BLNK: variants seen among roughly 807,000 people sequenced by gnomAD.
BLNK encodes B cell linker, also known as B-cell linker protein.
Under a neutral mutation model 73.5 loss-of-function variants are expected in BLNK, and 29 were observed. The ratio of observed to expected loss-of-function variants is 0.39; its 90% CI spans 0.29 to 0.54. The LOEUF is 0.54. Among genes scored for constraint, BLNK ranks in the 20% least tolerant of loss-of-function variants. The probability of loss-of-function intolerance (pLI) is 0.61; values close to 1 mark genes in which losing one functional copy is unlikely to be tolerated. For missense variants in BLNK, 460 were observed against 562.8 expected (o/e 0.82, Z 1.85); for synonymous variants, 176 against 200.8 (o/e 0.88, Z 1.04).
chr10:96,195,020 C>T (rs1456622236), intron 16 of BLNK, among the ~76,000 whole-genome samples: 1 of 151,878 alleles, frequency 6.6e-6, no homozygotes. Flanking sequence ...CCGCCCGTCT[C>T]GGCCTCCCAA....
intron 16 of BLNK, among the ~76,000 whole-genome samples, chr10:96,194,768 A>ATTTTTTTTTTTTTTTTTTT (rs71034364): frequency 5.4e-5 from 6 of 110,280 alleles, no homozygotes; most frequent in South Asian, 3.2e-4. Context: ...AGAAATGCAA[A>ATTTTTTTTTTTTTTTTTTT]TTTTTTTTTT....
chr10:96,210,689 A>G (rs2083925281), intron 8 of BLNK, among the ~76,000 whole-genome samples: 1 of 152,140 alleles, frequency 6.6e-6, no homozygotes, highest in African/African-American at 2.4e-5. Context: ...GGGAGAGGCC[A>G]GAGCTGAGCC....
At chr10:96,233,462 G>A (rs587737594) in intron 3 of BLNK, among the ~76,000 whole-genome samples, 1 of 152,276 alleles carries the variant, frequency 6.6e-6, no homozygotes, top group African/African-American at 2.4e-5. Context: ...TCAAGTAGAG[G>A]TTCTGTGGCA....
intron 1 of BLNK, among the ~76,000 whole-genome samples, chr10:96,269,447 T>C (rs1844172346): frequency 6.6e-6 from 1 of 151,644 alleles, no homozygotes; most frequent in African/African-American, 2.4e-5. Flanking sequence ...TTTGGAATCC[T>C]CCTGTTCATT....
At chr10:96,248,744 G>A (rs1458362277) in intron 1 of BLNK, among the ~76,000 whole-genome samples, 1 of 152,050 alleles carries the variant, frequency 6.6e-6, no homozygotes, top group African/African-American at 2.4e-5. Flanking sequence ...ATCATTAAAA[G>A]GGAACTAGTT....
At chr10:96,226,999 G>A (rs1002647087) in intron 5 of BLNK, among the ~76,000 whole-genome samples, 12 of 152,270 alleles carry the variant, frequency 7.9e-5, no homozygotes, top group Non-Finnish European at 1.0e-4. Flanking sequence ...TGGGATCCTC[G>A]AAGGTCATTG....
intron 13 of BLNK, 80 bp from the exon 14 acceptor site, chr10:96,201,138 T>A: frequency 7.8e-7 from 1 of 1,282,876 alleles, no homozygotes; most frequent in Non-Finnish European, 1.1e-6. Flanking sequence ...AACACTGTAC[T>A]AGGTGCTGCC....
At chr10:96,225,685 C>A (rs1361930526) in intron 5 of BLNK, among the ~76,000 whole-genome samples, 1 of 151,552 alleles carries the variant, frequency 6.6e-6, no homozygotes, top group Non-Finnish European at 1.5e-5. Flanking sequence ...TCTTGTTGCC[C>A]AGGCTGGAGT....
intron 1 of BLNK, among the ~76,000 whole-genome samples, chr10:96,247,409 T>C: frequency 6.6e-6 from 1 of 152,192 alleles, no homozygotes; most frequent in East Asian, 1.9e-4. Context: ...AGGCCCAAGG[T>C]TCTTTTTTAT....
rs927142756 is a variant in BLNK at position 96,204,537 on chromosome 10, G to C, written c.897C>G (p.Ala299=). 1 of 1,613,774 alleles carries C rather than the reference G, an allele frequency of 6.2e-7. No homozygotes were observed. Among genetic ancestry groups the C allele is most frequent in the Non-Finnish European group, 8.5e-7 (1 of 1,179,852 alleles). ...EAVQSPVFPP[A]QKQIHQKPIP... is the part of the protein sequence containing the mutation. ...TTAAAGGAAAGGATTCTTACTTCTG[G>C]GCAGGAGGAAACACTGGTGACTGCA... Residue 299 remains alanine, a synonymous_variant, in exon 12 of 17, where the codon GCC becomes GCG. Coordinates refer to ENST00000224337, the MANE Select transcript of BLNK (RefSeq NM_013314.4).
chr10:96,254,696 A>T (rs1554910528), intron 1 of BLNK, among the ~76,000 whole-genome samples: 2 of 152,078 alleles, frequency 1.3e-5, no homozygotes, highest in African/African-American at 4.8e-5. Context: ...TTTTTAGTAG[A>T]GACGGGGTTT....
chr10:96,238,332 CTT>C (rs1356536346), intron 3 of BLNK, among the ~76,000 whole-genome samples: 11 of 152,188 alleles, frequency 7.2e-5, no homozygotes, highest in African/African-American at 2.7e-4. Context: ...TCAACACACT[CTT>C]GGCTTAGAGG....
chr10:96,265,990 A>G (rs535047757), intron 1 of BLNK, among the ~76,000 whole-genome samples: 3 of 152,326 alleles, frequency 2.0e-5, no homozygotes, highest in African/African-American at 7.2e-5. Context: ...TGATCCAGCT[A>G]TGTCTTGCGG....
At chr10:96,256,880 C>CAAAAA (rs1295010912) in intron 1 of BLNK, among the ~76,000 whole-genome samples, 4 of 103,448 alleles carry the variant, frequency 3.9e-5, no homozygotes, top group South Asian at 3.7e-4. Context: ...GACTCCATCT[C>CAAAAA]AAAAAAAAAA....
chr10:96,267,038 T>A (rs1224559639), intron 1 of BLNK, among the ~76,000 whole-genome samples: 1 of 152,208 alleles, frequency 6.6e-6, no homozygotes, highest in African/African-American at 2.4e-5. Context: ...TAACTGGCCA[T>A]TAGAATCAGC....
At chr10:96,227,710 A>G (rs1485237206) in intron 4 of BLNK, 144 bp from the exon 5 acceptor site, 2 of 1,287,750 alleles carry the variant, frequency 1.6e-6, no homozygotes, top group South Asian at 1.2e-5. Context: ...GCAGCCGATA[A>G]GAGGCAAAGC....
chr10:96,237,777 A>G (rs1464184967), intron 3 of BLNK, among the ~76,000 whole-genome samples: 2 of 152,218 alleles, frequency 1.3e-5, no homozygotes, highest in Non-Finnish European at 2.9e-5. Flanking sequence ...AGCTTGGGTC[A>G]AAGCAAGGAG....
chr10:96,243,644 C>G (rs1168747895), intron 2 of BLNK, among the ~76,000 whole-genome samples: 2 of 152,174 alleles, frequency 1.3e-5, no homozygotes, highest in African/African-American at 4.8e-5. Context: ...TTTAAGCACT[C>G]TCAAAACTTT....
intron 16 of BLNK, among the ~76,000 whole-genome samples, chr10:96,193,725 A>C (rs2133915802): frequency 6.6e-6 from 1 of 152,368 alleles, no homozygotes; most frequent in South Asian, 2.1e-4. Flanking sequence ...GACAGTTGTC[A>C]AAACTGTAAA....
Sources: gnomAD v4.1 joint callset for allele counts (sites outside exome capture counted in the v4.1 genomes callset) on GRCh38, gnomAD v4.1.1 for gene constraint, MANE v1.5 for transcripts, NCBI Gene and HGNC (gene_info 2026-07-23, HGNC 2026-07-21) for gene names.